The following NTN1 variants were observed in gnomAD, a reference collection of about 807,000 sequenced individuals.
NTN1 encodes the protein netrin 1.
Under a neutral mutation model 54.2 loss-of-function variants are expected in NTN1, and 11 were observed. That is an observed-to-expected ratio of 0.20 (90% CI 0.13 to 0.34). The LOEUF (loss-of-function observed/expected upper bound fraction) is 0.34. NTN1 is among the 10% of genes least tolerant of loss of function. The pLI is 1.00. For missense variants in NTN1, 740 were observed against 893.1 expected (o/e 0.83, Z 2.18); for synonymous variants, 371 against 382.0 (o/e 0.97, Z 0.33).
intron 3 of NTN1, among the ~76,000 whole-genome samples, chr17:9,163,794 C>CA (rs1038049798): frequency 9.9e-5 from 15 of 152,136 alleles, no homozygotes; most frequent in Non-Finnish European, 1.9e-4. Context: ...CGGGGCCCCC[C>CA]CCACCCCACA....
At chr17:9,095,808 C>CT (rs947626722) in intron 2 of NTN1, among the ~76,000 whole-genome samples, 109 of 149,962 alleles carry the variant, frequency 7.3e-4, no homozygotes, top group African/African-American at 1.9e-3. Context: ...TTTTCTTTTT[C>CT]TTTTTTTTTG....
chr17:9,025,949 C>T (rs761454600), intron 2 of NTN1, among the ~76,000 whole-genome samples: 10 of 152,180 alleles, frequency 6.6e-5, no homozygotes, highest in African/African-American at 7.2e-5. Flanking sequence ...GCGAATTTCA[C>T]GCTGTTGACA....
At chr17:9,137,324 G>A (rs1051052823) in intron 2 of NTN1, among the ~76,000 whole-genome samples, 4 of 152,176 alleles carry the variant, frequency 2.6e-5, no homozygotes, top group Admixed American at 2.6e-4. Flanking sequence ...ATGCGAAGCT[G>A]GTGGGCAGTG....
intron 2 of NTN1, among the ~76,000 whole-genome samples, chr17:9,153,288 A>C (rs2092332867): frequency 6.6e-6 from 1 of 152,048 alleles, no homozygotes; most frequent in Non-Finnish European, 1.5e-5. Flanking sequence ...CTCTATTAAA[A>C]ATACAAAAAC....
At chr17:9,029,852 C>T (rs904362978) in intron 2 of NTN1, among the ~76,000 whole-genome samples, 2 of 151,956 alleles carry the variant, frequency 1.3e-5, no homozygotes, top group South Asian at 2.1e-4. Flanking sequence ...ATTAGCTGGG[C>T]GTGGTGGCGT....
chr17:9,168,050 C>T (rs961905998), intron 3 of NTN1, among the ~76,000 whole-genome samples: 7 of 151,966 alleles, frequency 4.6e-5, no homozygotes. Context: ...GTGTAACCAA[C>T]ACTGAGAACC....
intron 2 of NTN1, among the ~76,000 whole-genome samples, chr17:9,102,813 T>C (rs1393809099): frequency 1.3e-5 from 2 of 152,204 alleles, no homozygotes; most frequent in Non-Finnish European, 2.9e-5. Flanking sequence ...AGCCTATAAC[T>C]ACATGCAACA....
intron 2 of NTN1, among the ~76,000 whole-genome samples, chr17:9,041,217 T>C (rs1250517189): frequency 1.3e-5 from 2 of 152,264 alleles, no homozygotes; most frequent in Non-Finnish European, 2.9e-5. Flanking sequence ...ATAATTCACA[T>C]GTCATACAAT....
chr17:9,142,564 G>C (rs1322633783), intron 2 of NTN1, among the ~76,000 whole-genome samples: 7 of 152,074 alleles, frequency 4.6e-5, no homozygotes, highest in Admixed American at 3.3e-4. Context: ...GATGATGGGA[G>C]GGGGGTGGAG....
intron 6 of NTN1, among the ~76,000 whole-genome samples, chr17:9,226,506 TCGTGGGGAGGTG>T (rs1180794277): frequency 2.4e-3 from 81 of 33,610 alleles, no homozygotes; most frequent in East Asian, 0.014. Context: ...GGAGGTGGTC[TCGTGGGGAGGTG>T]GTCTCGTGGG....
At chr17:9,178,395 A>T (rs1229849350) in intron 3 of NTN1, among the ~76,000 whole-genome samples, 1 of 152,170 alleles carries the variant, frequency 6.6e-6, no homozygotes, top group Non-Finnish European at 1.5e-5. Flanking sequence ...GAGGTTTTGC[A>T]TGTCCAGACA....
chr17:9,182,818 G>T, intron 4 of NTN1, 98 bp from the exon 5 acceptor site: 1 of 1,211,738 alleles, frequency 8.3e-7, no homozygotes, highest in Non-Finnish European at 1.2e-6. Flanking sequence ...CCAGGAAGTT[G>T]GGAGGAGTCT....
chr17:9,166,340 C>CTTTT lies in NTN1; in HGVS notation c.1207+3355_1207+3358dup, dbSNP rs34345156. On this transcript the variant is annotated intron_variant, in intron 3 of 6. Transcript: ENST00000173229. ...ATGTGGTGCTGCCCCCAGGCTCTGG[C>CTTTT]TTTTTTTTTTTTTTTTTTTGAGATG... Among the ~76,000 whole-genome samples the CTTTT allele has an allele frequency of 5.0e-4, 56 of 113,036 alleles. 4 individuals are homozygous for CTTTT. The highest frequency in any genetic ancestry group is 2.7e-3 in the East Asian group (10 of 3,718). The allele number at this position is 113,036 out of a possible 152,430, so 74.2% of individuals were successfully genotyped here. A position where few individuals can be genotyped will look rare whatever the true frequency, so the allele number is the denominator to read the frequency against.
At chr17:9,133,227 T>C (rs907431314) in intron 2 of NTN1, among the ~76,000 whole-genome samples, 10 of 152,196 alleles carry the variant, frequency 6.6e-5, no homozygotes, top group African/African-American at 1.9e-4. Flanking sequence ...ACCACCGCCT[T>C]GGTCTGTTAA....
chr17:9,013,640 C>T, the NTN1 span, among the ~76,000 whole-genome samples: 1 of 152,214 alleles, frequency 6.6e-6, no homozygotes, highest in African/African-American at 2.4e-5. Context: ...TCTTGAGATT[C>T]TCCAGTTCAT....
At chr17:9,184,493 G>A (rs1199926989) in intron 5 of NTN1, among the ~76,000 whole-genome samples, 1 of 152,188 alleles carries the variant, frequency 6.6e-6, no homozygotes, top group African/African-American at 2.4e-5. Flanking sequence ...ATGAAACTTC[G>A]ATTCTTGCTC....
At chr17:9,101,818 C>T (rs925178160) in intron 2 of NTN1, among the ~76,000 whole-genome samples, 2 of 152,078 alleles carry the variant, frequency 1.3e-5, no homozygotes, top group African/African-American at 2.4e-5. Context: ...TAGAGGGAGA[C>T]CCCATCTCTA....
intron 2 of NTN1, among the ~76,000 whole-genome samples, chr17:9,142,830 C>T (rs1026067018): frequency 4.6e-5 from 7 of 151,952 alleles, no homozygotes; most frequent in African/African-American, 1.7e-4. Context: ...ATATAACCAA[C>T]AAAATCAGTA....
intron 2 of NTN1, among the ~76,000 whole-genome samples, chr17:9,122,495 G>A (rs929813855): frequency 2.0e-4 from 30 of 152,286 alleles, no homozygotes; most frequent in African/African-American, 6.7e-4. Flanking sequence ...AAGGGGTGCT[G>A]TGAAGTTTGA....
Sources: allele counts gnomAD v4.1 joint callset (sites outside exome capture counted in the v4.1 genomes callset), GRCh38; gene constraint gnomAD v4.1.1; transcripts MANE v1.5; gene names NCBI Gene and HGNC (gene_info 2026-07-23, HGNC 2026-07-21).